Variants in ACAD10 observed in about 807,000 individuals in gnomAD.
ACAD10 encodes ACAD-10.
Under a neutral mutation model 116.8 loss-of-function variants are expected in ACAD10, and 112 were observed. That is an observed-to-expected ratio of 0.96 (90% confidence interval 0.82 to 1.12). The LOEUF is 1.12. ACAD10 is among the 50% of genes most tolerant of loss of function. The pLI is 0.00. For missense variants in ACAD10, 1,259 were observed against 1,350.2 expected (o/e 0.93, Z 1.06); for synonymous variants, 486 against 510.6 (o/e 0.95, Z 0.65).
At chr12:111,702,559 G>A (rs1438340630) in intron 3 of ACAD10, among the ~76,000 whole-genome samples, 9 of 151,914 alleles carry the variant, frequency 5.9e-5, no homozygotes, top group South Asian at 4.2e-4. Flanking sequence ...GTGAAACCCC[G>A]TTTCTACTAA....
chr12:111,712,771 G>A, intron 6 of ACAD10, 114 bp downstream of exon 6: 1 of 1,220,434 alleles, frequency 8.2e-7, no homozygotes, highest in Non-Finnish European at 1.2e-6. Flanking sequence ...TTTACAGTGA[G>A]GAAAATAGCC....
intron 2 of ACAD10, among the ~76,000 whole-genome samples, chr12:111,696,469 T>C (rs1888193172): frequency 6.6e-6 from 1 of 152,190 alleles, no homozygotes; most frequent in Admixed American, 6.5e-5. Flanking sequence ...TTATGTGAAG[T>C]TCATATTTCA....
intron 3 of ACAD10, 57 bp from the exon 4 acceptor site, chr12:111,705,681 A>G (rs1005300408): frequency 1.2e-5 from 18 of 1,493,916 alleles, no homozygotes; most frequent in Admixed American, 9.9e-5. Context: ...TCTGTTGGCC[A>G]TGAGTGTTTG....
At chr12:111,728,537 A>G (rs937965488) in intron 9 of ACAD10, among the ~76,000 whole-genome samples, 1 of 152,110 alleles carries the variant, frequency 6.6e-6, no homozygotes, top group Non-Finnish European at 1.5e-5. Context: ...TCTTTTCAAC[A>G]GGAATATATG....
chr12:111,755,781 A>G, intron 20 of ACAD10, 36 bp downstream of exon 20: 1 of 1,594,500 alleles, frequency 6.3e-7, no homozygotes, highest in Non-Finnish European at 8.6e-7. Context: ...TATTTGAACC[A>G]TCAATACTAG....
At chr12:111,716,626 A>C (rs1365767567) in intron 7 of ACAD10, among the ~76,000 whole-genome samples, 1 of 152,190 alleles carries the variant, frequency 6.6e-6, no homozygotes, top group Non-Finnish European at 1.5e-5. Context: ...AGGCTGAGGC[A>C]GGTGGATGAC....
rs772836900 is a variant in ACAD10 at position 111,756,920 on chromosome 12, G to T, written c.*447G>T. ...TGGTGAGCAGAGGGGCGGCCACGGC[G>T]GGCGGTGGCCTAGAGACCCAGGACC... On this transcript the variant is annotated 3_prime_UTR_variant, in exon 21 of 21. Coordinates refer to ENST00000313698, the MANE Select transcript of ACAD10 (RefSeq NM_025247.6). The T allele has an allele frequency of 4.4e-6, 2 of 457,552 alleles. No individual in the cohort carries two copies. Among genetic ancestry groups the T allele is most frequent in the Non-Finnish European group, 8.8e-6 (2 of 227,928 alleles). The allele number at this position is 457,552 out of a possible 1,614,324, so 28.3% of individuals were successfully genotyped here. A position where few individuals can be genotyped will look rare whatever the true frequency, so the allele number is the denominator to read the frequency against.
At chr12:111,700,237 A>T (rs1888310939) in intron 2 of ACAD10, among the ~76,000 whole-genome samples, 1 of 152,146 alleles carries the variant, frequency 6.6e-6, no homozygotes, top group African/African-American at 2.4e-5. Flanking sequence ...TATTTTGCTG[A>T]CCTTTGGGCA....
intron 2 of ACAD10, among the ~76,000 whole-genome samples, chr12:111,699,548 A>G (rs747451052): frequency 6.6e-6 from 1 of 152,018 alleles, no homozygotes; most frequent in Non-Finnish European, 1.5e-5. Context: ...TTGACTCAGT[A>G]TGATATTTTG....
chr12:111,734,297 A>G (rs1566161270), intron 11 of ACAD10, among the ~76,000 whole-genome samples: 1 of 152,254 alleles, frequency 6.6e-6, no homozygotes, highest in Non-Finnish European at 1.5e-5. Flanking sequence ...TTATGCTTTT[A>G]CACAGCTAAC....
intron 1 of ACAD10, among the ~76,000 whole-genome samples, chr12:111,688,874 A>G (rs1294496556): frequency 6.6e-6 from 1 of 151,596 alleles, no homozygotes; most frequent in Non-Finnish European, 1.5e-5. Context: ...GGCAAGCAAG[A>G]TATGAGTTAA....
rs746017222 is a variant in ACAD10, at chr12:111,712,551, A to C, written c.744A>C (p.Thr248=). 4 of 1,614,048 alleles carry C rather than the reference A, an allele frequency of 2.5e-6. No homozygotes were observed. The East Asian group carries it at 8.9e-5, about 36-fold the overall frequency. The change falls in exon 6 of 21, where the codon ACA becomes ACC. Residue 248 remains threonine (T), a synonymous_variant. Coordinates refer to ENST00000313698, the MANE Select transcript of ACAD10 (RefSeq NM_025247.6). ...AATTAGAAGCTCTCTTGGGTTTTAC[A>C]TTGAGAGTAGGTGTTCCAAACACTC... ...VKELEALLGF[T]LRVGVPNTRP... is the part of the protein sequence containing the mutation.
intron 10 of ACAD10, among the ~76,000 whole-genome samples, chr12:111,732,414 G>A (rs1376191973): frequency 6.6e-6 from 1 of 152,092 alleles, no homozygotes; most frequent in African/African-American, 2.4e-5. Flanking sequence ...ACTATATGTG[G>A]TATATAGGTA....
chr12:111,691,126 T>G (rs1387321493), intron 1 of ACAD10: 1 of 152,232 alleles, frequency 6.6e-6, no homozygotes, highest in Non-Finnish European at 1.5e-5. Context: ...TCACTATTAA[T>G]GTCTGGCCAT....
At chr12:111,742,325 T>G (rs1889767536) in intron 12 of ACAD10, among the ~76,000 whole-genome samples, 1 of 152,206 alleles carries the variant, frequency 6.6e-6, no homozygotes, top group Admixed American at 6.5e-5. Flanking sequence ...TTCAATGTGC[T>G]GTGTGCAGTC....
At chr12:111,754,655 C>T (rs1324131132) in intron 19 of ACAD10, among the ~76,000 whole-genome samples, 4 of 152,196 alleles carry the variant, frequency 2.6e-5, no homozygotes, top group East Asian at 1.9e-4. Flanking sequence ...GGTTCTTTGA[C>T]GCTGGCGTGC....
At chr12:111,692,661 C>A in intron 1 of ACAD10, 36 bp from the exon 2 acceptor site, 1 of 1,578,852 alleles carries the variant, frequency 6.3e-7, no homozygotes. Flanking sequence ...GGAGGCAGTG[C>A]AGGCAAGTAA....
At chr12:111,738,886 TAAATA>T (rs1462296880) in intron 12 of ACAD10, among the ~76,000 whole-genome samples, 1 of 149,946 alleles carries the variant, frequency 6.7e-6, no homozygotes, top group Non-Finnish European at 1.5e-5. Context: ...AAATAAAAAT[TAAATA>T]AATAAGTCCA....
At chr12:111,715,673 G>A (rs987638954) in intron 6 of ACAD10, 148 bp from the exon 7 acceptor site, 10 of 1,039,918 alleles carry the variant, frequency 9.6e-6, no homozygotes, top group African/African-American at 8.0e-5. Context: ...GTCACTCCTA[G>A]TAGGCAGAGA....
Sources: allele counts gnomAD v4.1 joint callset (sites outside exome capture counted in the v4.1 genomes callset), GRCh38; gene constraint gnomAD v4.1.1; transcripts MANE v1.5; gene names NCBI Gene and HGNC (gene_info 2026-07-23, HGNC 2026-07-21).